Variants in ADAM9 observed in about 807,000 individuals in gnomAD.
The protein encoded by ADAM9 is ADAM metallopeptidase domain 9, also known as disintegrin and metalloproteinase domain-containing protein 9.
In ADAM9, 54 loss-of-function variants were observed where a neutral mutation model predicts 108.1. The ratio of observed to expected loss-of-function variants is 0.50; its 90% CI spans 0.40 to 0.63. The LOEUF (loss-of-function observed/expected upper bound fraction) is 0.63, where lower values mean the gene tolerates loss of function less well. Among genes scored for constraint, ADAM9 ranks in the 20% least tolerant of loss-of-function variants. The pLI is 0.00. For missense variants in ADAM9, 830 were observed against 997.7 expected (o/e 0.83, Z 2.26); for synonymous variants, 316 against 336.0 (o/e 0.94, Z 0.65).
chr8:39,055,648 T>G lies in ADAM9; in HGVS notation c.1467T>G (p.Ser489=). The G allele has an allele frequency of 6.2e-7, 1 of 1,613,820 alleles. No individual in the cohort carries two copies. The highest frequency in any genetic ancestry group is 8.5e-7 in the Non-Finnish European group (1 of 1,179,770). Residue 489 remains serine, a synonymous_variant, in exon 14 of 22, where the codon TCT becomes TCG. Coordinates refer to ENST00000487273, the MANE Select transcript of ADAM9 (RefSeq NM_003816.3). ...ECDVPEYCNG[S]SQFCQPDVFI... ...ATGTTCCAGAGTACTGCAATGGTTC[T>G]TCTCAGTTCTGTCAGCCAGATGTTT...
intron 15 of ADAM9, among the ~76,000 whole-genome samples, chr8:39,075,041 G>A (rs2129441731): frequency 6.6e-6 from 1 of 151,718 alleles, no homozygotes. Flanking sequence ...GGAGTAGCTA[G>A]GACTACAGGT....
intron 14 of ADAM9, among the ~76,000 whole-genome samples, chr8:39,064,162 T>G (rs1588400629): frequency 6.6e-6 from 1 of 152,310 alleles, no homozygotes; most frequent in South Asian, 2.1e-4. Context: ...AATGTCTGAT[T>G]AGGAGTCTCT....
chr8:39,071,836 A>T (rs1316212367), intron 15 of ADAM9, among the ~76,000 whole-genome samples: 1 of 152,158 alleles, frequency 6.6e-6, no homozygotes, highest in African/African-American at 2.4e-5. Flanking sequence ...AACTTTTCAA[A>T]CATTTTACAA....
intron 11 of ADAM9, among the ~76,000 whole-genome samples, chr8:39,041,196 A>G (rs987860785): frequency 6.6e-6 from 1 of 152,182 alleles, no homozygotes; most frequent in Non-Finnish European, 1.5e-5. Context: ...GGACTACCTG[A>G]AAGTATTTTA....
chr8:39,054,923 C>T (rs1393894571), intron 13 of ADAM9, among the ~76,000 whole-genome samples: 3 of 152,076 alleles, frequency 2.0e-5, no homozygotes, highest in Non-Finnish European at 2.9e-5. Context: ...AATATAATCA[C>T]GTTTTTTCTA....
intron 11 of ADAM9, among the ~76,000 whole-genome samples, chr8:39,029,367 A>T (rs554649028): frequency 1.3e-5 from 2 of 152,226 alleles, no homozygotes; most frequent in African/African-American, 4.8e-5. Flanking sequence ...GATAACACTG[A>T]TAATAGAGAG....
chr8:39,045,568 G>GTATATATATATATATATATATATATATA (rs1354034713), intron 12 of ADAM9, among the ~76,000 whole-genome samples: 1 of 139,232 alleles, frequency 7.2e-6, no homozygotes, highest in Non-Finnish European at 1.6e-5. Context: ...ATGTGTGTGT[G>GTATATATATATATATATATATATATATA]TGTATATATA....
intron 14 of ADAM9, among the ~76,000 whole-genome samples, chr8:39,064,423 A>G (rs1244674454): frequency 2.0e-5 from 3 of 152,292 alleles, no homozygotes; most frequent in East Asian, 1.9e-4. Flanking sequence ...TACATATTAT[A>G]TATATGTTTA....
rs1408602869 is a variant in ADAM9, at chr8:39,091,398, G to A, written c.2298+52G>A. 5 of 1,484,966 alleles carry A rather than the reference G, an allele frequency of 3.4e-6. No individual in the cohort carries two copies. In the Admixed American group the frequency reaches 6.7e-5, roughly 20 times the overall value. The allele number at this position is 1,484,966 out of a possible 1,614,324, so 92.0% of individuals were successfully genotyped here. On this transcript the variant is annotated intron_variant, in intron 20 of 21. Coordinates refer to ENST00000487273, the MANE Select transcript of ADAM9 (RefSeq NM_003816.3). Reference sequence around the variant, plus strand: ...TCTTTACTGTATTAAAGGATCAAATGCTTAAGGATTAAAAACACAGTTATA... The same window carrying A: ...TCTTTACTGTATTAAAGGATCAAATACTTAAGGATTAAAAACACAGTTATA...
At chr8:39,020,897 A>G (rs1405512900) in intron 7 of ADAM9, among the ~76,000 whole-genome samples, 1 of 152,242 alleles carries the variant, frequency 6.6e-6, no homozygotes, top group Admixed American at 6.5e-5. Context: ...TAAATTAAAA[A>G]AAAAAAAAGT....
chr8:39,047,412 G>A (rs182185127), intron 12 of ADAM9, among the ~76,000 whole-genome samples: 2 of 152,252 alleles, frequency 1.3e-5, no homozygotes, highest in African/African-American at 4.8e-5. Context: ...GATTTCACCA[G>A]TAAAGCCATT....
intron 11 of ADAM9, among the ~76,000 whole-genome samples, chr8:39,033,159 A>C (rs943810785): frequency 5.9e-5 from 9 of 151,592 alleles, no homozygotes; most frequent in Admixed American, 2.0e-4. Context: ...TTTATACCTA[A>C]CTCTCATTTT....
At chr8:39,011,789 A>T in intron 3 of ADAM9, 73 bp downstream of exon 3, 1 of 1,408,882 alleles carries the variant, frequency 7.1e-7, no homozygotes, top group Non-Finnish European at 1.0e-6. Context: ...TTCTAGTTTG[A>T]TATGGTTTAG....
At chr8:39,018,281 A>G (rs1239126906) in intron 6 of ADAM9, among the ~76,000 whole-genome samples, 3 of 152,176 alleles carry the variant, frequency 2.0e-5, no homozygotes, top group Non-Finnish European at 4.4e-5. Context: ...GACTTGGGCT[A>G]TTCTTTTTAA....
At chr8:39,049,683 C>A (rs1302878499) in intron 12 of ADAM9, among the ~76,000 whole-genome samples, 2 of 152,130 alleles carry the variant, frequency 1.3e-5, no homozygotes, top group African/African-American at 4.8e-5. Context: ...AAGTGATCTG[C>A]CTGCCTCGGC....
chr8:39,029,866 T>C (rs1403712651), intron 11 of ADAM9, among the ~76,000 whole-genome samples: 3 of 152,216 alleles, frequency 2.0e-5, no homozygotes, highest in African/African-American at 7.2e-5. Flanking sequence ...TGTCTGACTT[T>C]GATATTAGGG....
chr8:39,100,333 C>T (rs1440727972), intron 20 of ADAM9, among the ~76,000 whole-genome samples: 6 of 150,674 alleles, frequency 4.0e-5, no homozygotes, highest in Middle Eastern at 3.4e-3. Context: ...ACTAAAAATA[C>T]GAAAAAAAAA....
intron 12 of ADAM9, among the ~76,000 whole-genome samples, chr8:39,052,957 T>C (rs1484296640): frequency 6.6e-6 from 1 of 152,216 alleles, no homozygotes; most frequent in Non-Finnish European, 1.5e-5. Context: ...ATCCTTAGTG[T>C]ATGGGAGTTC....
chr8:39,075,098 G>T (rs536951593), intron 15 of ADAM9, among the ~76,000 whole-genome samples: 1 of 151,794 alleles, frequency 6.6e-6, no homozygotes, highest in South Asian at 2.1e-4. Context: ...GTAGAGATGG[G>T]GTTTCCCTAT....
Sources: gnomAD v4.1 joint callset for allele counts (sites outside exome capture counted in the v4.1 genomes callset) on GRCh38, gnomAD v4.1.1 for gene constraint, MANE v1.5 for transcripts, NCBI Gene and HGNC (gene_info 2026-07-23, HGNC 2026-07-21) for gene names.